The following NCKAP5 variants were observed in gnomAD, a reference collection of about 807,000 sequenced individuals.
The protein encoded by NCKAP5 is nck-associated protein 5.
A neutral mutation model predicts 167.0 loss-of-function variants in NCKAP5; 92 were observed. The observed-to-expected ratio is 0.55, with a 90% CI of 0.47 to 0.66. NCKAP5 has a LOEUF of 0.66. Among genes scored for constraint, NCKAP5 ranks in the 30% least tolerant of loss-of-function variants. The probability of loss-of-function intolerance (pLI) is 0.00; values close to 1 mark genes in which losing one functional copy is unlikely to be tolerated. For missense variants in NCKAP5, 2,378 were observed against 2,315.0 expected (o/e 1.03, Z -0.56); for synonymous variants, 891 against 877.4 (o/e 1.02, Z -0.27).
intron 5 of NCKAP5, among the ~76,000 whole-genome samples, chr2:133,141,202 A>G (rs2082983882): frequency 6.6e-6 from 1 of 152,148 alleles, no homozygotes; most frequent in Non-Finnish European, 1.5e-5. Context: ...CCTTCTCCCA[A>G]CAGCCCAGGG....
At chr2:133,272,644 C>T (rs970164541) in intron 4 of NCKAP5, among the ~76,000 whole-genome samples, 1 of 152,124 alleles carries the variant, frequency 6.6e-6, no homozygotes, top group African/African-American at 2.4e-5. Context: ...AGCATATGCA[C>T]CGTTATGCAA....
chr2:132,781,829 C>G, intron 14 of NCKAP5, 111 bp downstream of exon 14: 1 of 974,226 alleles, frequency 1.0e-6, no homozygotes, highest in African/African-American at 1.6e-5. Context: ...TCATTTCTGC[C>G]TGTATGAAAA....
chr2:132,706,008 A>G (rs939053934), intron 19 of NCKAP5, among the ~76,000 whole-genome samples: 3 of 150,294 alleles, frequency 2.0e-5, no homozygotes, highest in African/African-American at 7.6e-5. Flanking sequence ...ATGGAGACAT[A>G]TATATTTGCA....
chr2:133,007,607 T>G (rs2078012329), intron 6 of NCKAP5, among the ~76,000 whole-genome samples: 1 of 152,138 alleles, frequency 6.6e-6, no homozygotes, highest in Non-Finnish European at 1.5e-5. Context: ...CAACTTCGGG[T>G]CTGAGCAGCA....
chr2:133,498,492 C>CAGGA (rs1559529088), intron 3 of NCKAP5, among the ~76,000 whole-genome samples: 1 of 119,342 alleles, frequency 8.4e-6, no homozygotes, highest in East Asian at 2.5e-4. Context: ...GGCAGGCAGG[C>CAGGA]AGGCAGGCAG....
At chr2:133,388,405 C>T (rs552592818) in intron 3 of NCKAP5, among the ~76,000 whole-genome samples, 19 of 152,302 alleles carry the variant, frequency 1.2e-4, no homozygotes, top group African/African-American at 4.1e-4. Context: ...CTGGAGGTTT[C>T]GTCTCAGAGG....
chr2:132,918,631 C>T (rs1385102326), intron 8 of NCKAP5, among the ~76,000 whole-genome samples: 3 of 152,028 alleles, frequency 2.0e-5, no homozygotes, highest in African/African-American at 4.8e-5. Flanking sequence ...TATAAAATAA[C>T]GTTAACTTGA....
intron 19 of NCKAP5, among the ~76,000 whole-genome samples, chr2:132,710,667 C>A (rs1381923702): frequency 1.3e-5 from 2 of 152,200 alleles, no homozygotes; most frequent in Non-Finnish European, 2.9e-5. Context: ...TAAATATCAT[C>A]TCACCCTGGG....
chr2:132,724,536 G>A (rs1376128898), intron 19 of NCKAP5, among the ~76,000 whole-genome samples: 3 of 151,982 alleles, frequency 2.0e-5, no homozygotes, highest in African/African-American at 7.3e-5. Context: ...ATTAGGAGCC[G>A]GCATCATCCT....
intron 11 of NCKAP5, among the ~76,000 whole-genome samples, chr2:132,843,165 T>C (rs1418480153): frequency 1.3e-5 from 2 of 152,208 alleles, no homozygotes; most frequent in Non-Finnish European, 2.9e-5. Flanking sequence ...GTACAATGAA[T>C]ATACCTTATT....
At chr2:133,563,690 A>T (rs2105032830) in intron 1 of NCKAP5, among the ~76,000 whole-genome samples, 1 of 151,626 alleles carries the variant, frequency 6.6e-6, no homozygotes. Flanking sequence ...GTGAATTGCC[A>T]GTTTGAATGG....
At chr2:133,009,791 C>T (rs2078090392) in intron 6 of NCKAP5, among the ~76,000 whole-genome samples, 1 of 151,776 alleles carries the variant, frequency 6.6e-6, no homozygotes, top group East Asian at 2.0e-4. Context: ...CTCTCTGGGC[C>T]GGGCGCAGTG....
intron 4 of NCKAP5, among the ~76,000 whole-genome samples, chr2:133,218,573 C>T (rs1055132149): frequency 1.1e-4 from 16 of 152,164 alleles, no homozygotes; most frequent in African/African-American, 2.9e-4. Flanking sequence ...AAGACAGATA[C>T]GGAACTAGGA....
upstream of NCKAP5, among the ~76,000 whole-genome samples, chr2:133,571,871 A>T (rs1229562901): frequency 1.3e-5 from 2 of 152,008 alleles, no homozygotes; most frequent in Admixed American, 1.3e-4. Flanking sequence ...TCAGTGCATC[A>T]TCTAATTTAC....
intron 6 of NCKAP5, among the ~76,000 whole-genome samples, chr2:133,009,010 C>A (rs80256188): frequency 0.025 from 3,738 of 152,212 alleles, 121 homozygotes; most frequent in African/African-American, 0.078. Context: ...GTATTCCTGA[C>A]AATTGTGGCC....
At chr2:132,760,244 C>G (rs1443113602) in intron 16 of NCKAP5, among the ~76,000 whole-genome samples, 3 of 152,118 alleles carry the variant, frequency 2.0e-5, no homozygotes, top group Non-Finnish European at 2.9e-5. Context: ...CTTCTCCTGT[C>G]TGATGTAAAC....
chr2:133,505,502 G>A (rs1682924765), intron 3 of NCKAP5, among the ~76,000 whole-genome samples: 2 of 152,170 alleles, frequency 1.3e-5, no homozygotes, highest in African/African-American at 4.8e-5. Context: ...GGGTAGAGAA[G>A]TCTGCATGCC....
chr2:133,275,973 T>C (rs1175799858), intron 4 of NCKAP5, among the ~76,000 whole-genome samples: 3 of 151,814 alleles, frequency 2.0e-5, no homozygotes, highest in Non-Finnish European at 4.4e-5. Flanking sequence ...AGTATGCCTG[T>C]CTCCCGTTCT....
At chr2:132,765,438 C>A (rs552910077) in intron 16 of NCKAP5, among the ~76,000 whole-genome samples, 8 of 151,686 alleles carry the variant, frequency 5.3e-5, no homozygotes, top group African/African-American at 1.9e-4. Context: ...TCTCAGCCTG[C>A]CAAGTAGCTG....
Sources: gnomAD v4.1 joint callset for allele counts (sites outside exome capture counted in the v4.1 genomes callset) on GRCh38, gnomAD v4.1.1 for gene constraint, MANE v1.5 for transcripts, NCBI Gene and HGNC (gene_info 2026-07-23, HGNC 2026-07-21) for gene names.